The following THRAP3 variants were observed in gnomAD, a reference collection of about 807,000 sequenced individuals.
THRAP3 encodes thyroid hormone receptor associated protein 3, also known as thyroid hormone receptor-associated protein 3.
In THRAP3, 16 loss-of-function variants were observed where a neutral mutation model predicts 101.0. The ratio of observed to expected loss-of-function variants is 0.16; its 90% confidence interval spans 0.11 to 0.24. The LOEUF is 0.24. Ranked by LOEUF, THRAP3 falls within the 10% of genes least tolerant of loss-of-function variation. THRAP3 has a pLI of 1.00. For synonymous variants in THRAP3, 407 were observed against 422.6 expected (o/e 0.96, Z 0.45); for missense variants, 989 against 1,202.7 (o/e 0.82, Z 2.63).
chr1:36,242,562 C>T (rs764235453), intron 1 of THRAP3, among the ~76,000 whole-genome samples: 13 of 151,782 alleles, frequency 8.6e-5, no homozygotes, highest in Non-Finnish European at 1.5e-4. Context: ...ACGCCATTCT[C>T]CTGTCTCGGC....
At position 36,258,647 on chromosome 1, in the gene THRAP3, G is replaced by GTT. The variant is rs571094974; in HGVS notation, c.-134-731_-134-730dup. Among the ~76,000 whole-genome samples, 193 of 152,118 alleles carry GTT rather than the reference G, an allele frequency of 1.3e-3. 1 individual carries two copies. The highest frequency in any genetic ancestry group is 6.8e-3 in the Middle Eastern group (2 of 294). On this transcript the variant is annotated intron_variant, in intron 1 of 11. Coordinates refer to ENST00000354618, the MANE Select transcript of THRAP3 (RefSeq NM_005119.4). ...CCTGCTGCCACGCCTGGCTAATTTT[G>GTT]TTTTTGTATTTTTACTAGAGACGGG...
chr1:36,243,993 C>T (rs1392850204), intron 1 of THRAP3, among the ~76,000 whole-genome samples: 5 of 146,680 alleles, frequency 3.4e-5, no homozygotes, highest in African/African-American at 5.1e-5. Flanking sequence ...ACCTCCCTCC[C>T]GGACGGGGCG....
At chr1:36,269,276 C>CT (rs144196127) in intron 2 of THRAP3, among the ~76,000 whole-genome samples, 5 of 151,912 alleles carry the variant, frequency 3.3e-5, no homozygotes, top group East Asian at 1.9e-4. Flanking sequence ...AGCGAGCTCA[C>CT]TTTTTTTTAC....
chr1:36,288,199 T>G (rs181463019), intron 4 of THRAP3: 6 of 891,130 alleles, frequency 6.7e-6, no homozygotes, highest in African/African-American at 3.6e-5. Flanking sequence ...ATAGGTGGTG[T>G]TTGGTTACAT....
At chr1:36,243,945 C>A (rs1570251266) in intron 1 of THRAP3, among the ~76,000 whole-genome samples, 1 of 43,850 alleles carries the variant, frequency 2.3e-5, no homozygotes, top group Admixed American at 2.2e-4. Flanking sequence ...ACCTCCCTCC[C>A]GGATGGGGCG....
intron 1 of THRAP3, among the ~76,000 whole-genome samples, chr1:36,242,395 T>C (rs1458260223): frequency 6.6e-6 from 1 of 151,952 alleles, no homozygotes; most frequent in Non-Finnish European, 1.5e-5. Flanking sequence ...TGAAGTGAGC[T>C]TCCCAGCTTA....
At position 36,249,685 on chromosome 1, in the gene THRAP3, A is replaced by AGTGTGTGTGTGTGTGT. The variant is rs66759336; in HGVS notation, c.-134-9677_-134-9662dup. On this transcript the variant is annotated intron_variant, in intron 1 of 11. Coordinates refer to ENST00000354618, the MANE Select transcript of THRAP3 (RefSeq NM_005119.4). ...TTTCGAATAAGCGAAGCAGGTGGTG[A>AGTGTGTGTGTGTGTGT]GTGTGTGTGTGTGTGTGTGTGTGTG... Among the ~76,000 whole-genome samples the AGTGTGTGTGTGTGTGT allele has an allele frequency of 4.5e-3, 623 of 138,178 alleles. 5 individuals carry two copies. Among genetic ancestry groups the AGTGTGTGTGTGTGTGT allele is most frequent in the East Asian group, 0.011 (51 of 4,640 alleles). 90.7% of individuals were successfully genotyped at this position (138,178 alleles called of 152,430 possible).
chr1:36,213,001 T>C, the THRAP3 span, among the ~76,000 whole-genome samples: 1 of 152,102 alleles, frequency 6.6e-6, no homozygotes. Flanking sequence ...GTCCAGAGTA[T>C]GGTCAAGGCA....
chr1:36,303,775 G>A, intron 11 of THRAP3, 21 bp from the exon 12 acceptor site: 1 of 1,613,814 alleles, frequency 6.2e-7, no homozygotes, highest in Non-Finnish European at 8.5e-7. Flanking sequence ...TGGCACTGAT[G>A]GCAATTTTCT....
At chr1:36,262,083 A>T (rs1051974165) in intron 2 of THRAP3, among the ~76,000 whole-genome samples, 2 of 152,226 alleles carry the variant, frequency 1.3e-5, no homozygotes, top group Admixed American at 6.5e-5. Context: ...AGTCACATTT[A>T]AAAAAACAGA....
intron 2 of THRAP3, among the ~76,000 whole-genome samples, chr1:36,273,351 CAGT>C (rs1318157517): frequency 6.6e-6 from 1 of 152,182 alleles, no homozygotes; most frequent in Non-Finnish European, 1.5e-5. Flanking sequence ...AAGAAAATCT[CAGT>C]AGACACATTT....
At chr1:36,214,023 AAAGAAAGAAAG>A in the THRAP3 span, among the ~76,000 whole-genome samples, 1 of 134,470 alleles carries the variant, frequency 7.4e-6, no homozygotes, top group African/African-American at 2.9e-5. Context: ...AGAAAGAAAG[AAAGAAAGAAAG>A]AAAGAAAGAA....
chr1:36,257,334 G>A (rs1164624223), intron 1 of THRAP3, among the ~76,000 whole-genome samples: 1 of 152,164 alleles, frequency 6.6e-6, no homozygotes, highest in East Asian at 1.9e-4. Context: ...GGCATGAAGG[G>A]ACTTTTAAAT....
intron 11 of THRAP3, 64 bp from the exon 12 acceptor site, chr1:36,303,732 G>A: frequency 1.2e-6 from 2 of 1,609,518 alleles, no homozygotes; most frequent in Non-Finnish European, 1.7e-6. Flanking sequence ...GGTGCGTGCA[G>A]AGAAGAGAGC....
intron 2 of THRAP3, among the ~76,000 whole-genome samples, chr1:36,261,733 A>G (rs1645448738): frequency 6.6e-6 from 1 of 152,134 alleles, no homozygotes; most frequent in Non-Finnish European, 1.5e-5. Flanking sequence ...TTTTAAGTGG[A>G]AGCAACCGGT....
intron 11 of THRAP3, 143 bp from the exon 12 acceptor site, chr1:36,303,653 A>C: frequency 1.6e-6 from 2 of 1,256,910 alleles, no homozygotes; most frequent in Non-Finnish European, 1.1e-6. Flanking sequence ...AGTGGGGGAC[A>C]GGGAGAAGTG....
At chr1:36,239,038 A>G (rs1295922180) in intron 1 of THRAP3, among the ~76,000 whole-genome samples, 3 of 150,948 alleles carry the variant, frequency 2.0e-5, no homozygotes, top group Non-Finnish European at 2.9e-5. Context: ...GGTTCACGCC[A>G]TTCTCCTGCC....
intron 2 of THRAP3, among the ~76,000 whole-genome samples, chr1:36,265,766 T>A (rs1487550321): frequency 6.6e-6 from 1 of 152,146 alleles, no homozygotes; most frequent in Non-Finnish European, 1.5e-5. Context: ...TATCAACCCG[T>A]CATCTAGGTT....
chr1:36,269,638 A>G (rs1327009241), intron 2 of THRAP3, among the ~76,000 whole-genome samples: 4 of 152,190 alleles, frequency 2.6e-5, no homozygotes, highest in Non-Finnish European at 4.4e-5. Flanking sequence ...CAGTGGAGCA[A>G]TCATTGCTCA....
Sources: gnomAD v4.1 joint callset for allele counts (sites outside exome capture counted in the v4.1 genomes callset) on GRCh38, gnomAD v4.1.1 for gene constraint, MANE v1.5 for transcripts, NCBI Gene and HGNC (gene_info 2026-07-23, HGNC 2026-07-21) for gene names.